ADRA1D: variants seen among roughly 807,000 people sequenced by gnomAD.
ADRA1D encodes the protein alpha-1D adrenergic receptor.
ADRA1D carries 22 observed loss-of-function variants against 18.6 expected under a neutral mutation model. The ratio of observed to expected loss-of-function variants is 1.19; its 90% confidence interval spans 0.85 to 1.69. ADRA1D has a LOEUF of 1.69. Among genes scored for constraint, ADRA1D ranks in the 40% most tolerant of loss-of-function variants. ADRA1D has a pLI of 0.00. For missense variants in ADRA1D, 840 were observed against 840.7 expected, an observed-to-expected ratio of 1.00 and a Z score of 0.01; for synonymous variants, 376 against 388.2, an observed-to-expected ratio of 0.97 and a Z score of 0.37.
At chr20:4,226,052 C>G (rs1449452587) in intron 1 of ADRA1D, among the ~76,000 whole-genome samples, 1 of 152,186 alleles carries the variant, frequency 6.6e-6, no homozygotes, top group Non-Finnish European at 1.5e-5. Flanking sequence ...TTATATTTAG[C>G]CCAGGATGAC....
Position 4,231,546 on chromosome 20 carries a change from T to C in ADRA1D, c.1112-9416A>G, listed in dbSNP as rs555976607. ...GAAATATCTTGAATGAACAAGTAAA[T>C]GGCACTTGAATAGGTGGCCTCTAAT... On this transcript the variant is annotated intron_variant, in intron 1 of 1. Coordinates refer to ENST00000379453, the MANE Select transcript of ADRA1D (RefSeq NM_000678.4). Among the ~76,000 whole-genome samples, 4 of 152,254 alleles carry C rather than the reference T, an allele frequency of 2.6e-5. No homozygotes were observed. The East Asian group carries it at 5.8e-4, about 22-fold the overall frequency.
intron 1 of ADRA1D, among the ~76,000 whole-genome samples, chr20:4,236,290 C>T (rs971874620): frequency 6.6e-6 from 1 of 152,126 alleles, no homozygotes; most frequent in Admixed American, 6.5e-5. Flanking sequence ...CCTCATAGGA[C>T]TGTTAGGGGG....
At chr20:4,231,724 G>A (rs1344809490) in intron 1 of ADRA1D, among the ~76,000 whole-genome samples, 3 of 152,094 alleles carry the variant, frequency 2.0e-5, no homozygotes, top group Non-Finnish European at 4.4e-5. Context: ...AGCCCTTAGG[G>A]TCAGGACATG....
intron 1 of ADRA1D, among the ~76,000 whole-genome samples, chr20:4,227,365 A>C: frequency 6.6e-6 from 1 of 150,640 alleles, no homozygotes; most frequent in African/African-American, 2.5e-5. Flanking sequence ...GAGCTATTTT[A>C]CTCTCCTCCC....
intron 1 of ADRA1D, among the ~76,000 whole-genome samples, chr20:4,224,909 A>G (rs1056149848): frequency 6.6e-6 from 1 of 151,674 alleles, no homozygotes; most frequent in African/African-American, 2.4e-5. Context: ...ACCGCAGGGG[A>G]AGAGGAGGGT....
At chr20:4,246,346 T>C (rs1981336330) in intron 1 of ADRA1D, among the ~76,000 whole-genome samples, 1 of 152,130 alleles carries the variant, frequency 6.6e-6, no homozygotes, top group African/African-American at 2.4e-5. Flanking sequence ...AGGACACCAC[T>C]GAGGGTCATG....
chr20:4,249,073 G>T lies in ADRA1D; in HGVS notation c.-116C>A, dbSNP rs1292713915. 2 of 843,532 alleles carry T rather than the reference G, an allele frequency of 2.4e-6. No homozygotes were observed. Among genetic ancestry groups the T allele is most frequent in the South Asian group, 7.5e-5 (2 of 26,824 alleles). 52.3% of individuals were successfully genotyped at this position (843,532 alleles called of 1,614,324 possible). ...TGCAGCTCCGCGCACGGGTCCCGTC[G>T]GGGTCCTGCCCAAGTTCCTGTGACG... On this transcript the variant is annotated 5_prime_UTR_variant, in exon 1 of 2. Coordinates refer to ENST00000379453, the MANE Select transcript of ADRA1D (RefSeq NM_000678.4).
intron 1 of ADRA1D, among the ~76,000 whole-genome samples, chr20:4,240,428 G>C (rs1981186917): frequency 2.3e-5 from 3 of 133,132 alleles, no homozygotes; most frequent in Non-Finnish European, 4.8e-5. Context: ...TTTTTTTACA[G>C]TTATTATCTT....
chr20:4,225,931 T>C (rs543036791), intron 1 of ADRA1D, among the ~76,000 whole-genome samples: 3 of 152,290 alleles, frequency 2.0e-5, no homozygotes, highest in Admixed American at 6.5e-5. Context: ...TGGGGGCCAC[T>C]AGTGTTGACC....
intron 1 of ADRA1D, among the ~76,000 whole-genome samples, chr20:4,225,182 A>G (rs1175154242): frequency 6.6e-6 from 1 of 151,166 alleles, no homozygotes; most frequent in Non-Finnish European, 1.5e-5. Context: ...TTGTATTTTT[A>G]GTAGAGACGG....
chr20:4,229,958 C>G (rs914320995), intron 1 of ADRA1D, among the ~76,000 whole-genome samples: 2 of 152,168 alleles, frequency 1.3e-5, no homozygotes, highest in East Asian at 3.8e-4. Context: ...CTCCTCTCCT[C>G]TCCTTCCCTC....
In ADRA1D at chr20:4,248,409, G is replaced by A. The variant is rs1285507356; in HGVS notation, c.549C>T (p.Ser183=). 3 of 1,610,258 alleles carry A rather than the reference G, an allele frequency of 1.9e-6. No homozygotes were observed. The highest frequency in any genetic ancestry group is 1.7e-5 in the Admixed American group (1 of 59,482). Reference sequence around the variant, plus strand: ...CGGAGATGGTGCAGAGGCTGAGGATGGAGGCCGTGCAGCACAGCACGTCCA... The same window carrying A: ...CGGAGATGGTGCAGAGGCTGAGGATAGAGGCCGTGCAGCACAGCACGTCCA... The part of the protein sequence containing the change: ...AAVDVLCCTA[S]ILSLCTISVD... Residue 183 remains serine, a synonymous_variant, in exon 1 of 2, where the codon TCC becomes TCT. Transcript: ENST00000379453.
At chr20:4,228,717 C>T (rs1051729981) in intron 1 of ADRA1D, among the ~76,000 whole-genome samples, 4 of 152,232 alleles carry the variant, frequency 2.6e-5, no homozygotes, top group African/African-American at 9.6e-5. Context: ...AGGCACTCGC[C>T]CAGCCTTCTG....
chr20:4,227,577 C>T (rs1422151031), intron 1 of ADRA1D, among the ~76,000 whole-genome samples: 3 of 152,036 alleles, frequency 2.0e-5, no homozygotes, highest in African/African-American at 4.8e-5. Flanking sequence ...TAAGTCCCCT[C>T]GACTTTCTTT....
chr20:4,241,495 G>C lies in ADRA1D; in HGVS notation c.1111+6352C>G, dbSNP rs186000868. On this transcript the variant is annotated intron_variant, in intron 1 of 1. Transcript: ENST00000379453. ...ATGGAGGGCTGTGCTTTGCCACCCA[G>C]ACCCTTGGTGTGGCAGGATGGGAAT... 7.2e-5 allele frequency among the ~76,000 whole-genome samples: 11 copies of C among 152,324 alleles called. No individual in the cohort carries two copies. The East Asian group carries it at 1.9e-3, about 27-fold the overall frequency.
chr20:4,221,874 C>T lies in ADRA1D; in HGVS notation c.1368G>A (p.Ala456=), dbSNP rs1466458654. 3.4e-6 allele frequency: 5 copies of T among 1,464,928 alleles called. No individual in the cohort carries two copies. The highest frequency in any genetic ancestry group is 4.5e-6 in the Non-Finnish European group (5 of 1,116,938). 90.7% of individuals were successfully genotyped at this position (1,464,928 alleles called of 1,614,324 possible). A position where few individuals can be genotyped will look rare whatever the true frequency, so the allele number is the denominator to read the frequency against. ...RQDCAPSSGD[A]PPGAPLALTA... The stretch of plus-strand genomic sequence containing the variant: ...TGAGGGCCAGCGGCGCTCCGGGGGG[C>T]GCGTCGCCCGAACTCGGGGCGCAGT... Residue 456 remains alanine (A), a synonymous_variant, in exon 2 of 2, where the codon GCG becomes GCA. Coordinates refer to ENST00000379453, the MANE Select transcript of ADRA1D (RefSeq NM_000678.4).
intron 1 of ADRA1D, among the ~76,000 whole-genome samples, chr20:4,225,904 G>T (rs1016299424): frequency 2.0e-5 from 3 of 152,150 alleles, no homozygotes; most frequent in Non-Finnish European, 4.4e-5. Context: ...GAGAGAGGTT[G>T]GGCCATCCCT....
chr20:4,245,046 C>A (rs1034442397), intron 1 of ADRA1D, among the ~76,000 whole-genome samples: 2 of 152,160 alleles, frequency 1.3e-5, no homozygotes, highest in African/African-American at 2.4e-5. Context: ...AAGAGCTGTG[C>A]GTGCCAGCAA....
At position 4,248,938 on chromosome 20, in the gene ADRA1D, A is replaced by T. The variant is rs760088666; in HGVS notation, c.20T>A (p.Leu7Gln). 7.6e-5 allele frequency: 103 copies of T among 1,349,522 alleles called. No homozygotes were observed. In the Middle Eastern group the frequency reaches 3.0e-3, roughly 39 times the overall value. 83.6% of individuals were successfully genotyped at this position (1,349,522 alleles called of 1,614,324 possible). MTFRDL[L>Q]SVSFEGPRPD... ...GCGGGGTCCCTCGAAACTGACGCTC[A>T]GGAGATCGCGGAAAGTCATCTCAAC... Residue 7 changes from leucine (L) to glutamine (Q), a missense_variant, in exon 1 of 2, where the codon CTG becomes CAG. Physicochemically the swap from Leu to Gln is moderately radical, Grantham distance 113. Transcript: ENST00000379453.
Sources: gnomAD v4.1 joint callset for allele counts (sites outside exome capture counted in the v4.1 genomes callset) on GRCh38, gnomAD v4.1.1 for gene constraint, MANE v1.5 for transcripts, NCBI Gene and HGNC (gene_info 2026-07-23, HGNC 2026-07-21) for gene names.